The following EPHA6 variants were observed in gnomAD, a reference collection of about 807,000 sequenced individuals.
The protein encoded by EPHA6 is EPH receptor A6.
In EPHA6, 50 loss-of-function variants were observed where a neutral mutation model predicts 112.0. That is an observed-to-expected ratio of 0.45 (90% CI 0.36 to 0.56). The LOEUF is 0.56. EPHA6 is among the 20% of genes least tolerant of loss of function. EPHA6 has a pLI of 0.00. For synonymous variants in EPHA6, 529 were observed against 490.7 expected (o/e 1.08, Z -1.03); for missense variants, 1,280 against 1,417.4 (o/e 0.90, Z 1.56).
rs1401412764 is a variant in EPHA6 at position 97,758,796 on chromosome 3, T to A, written c.*10095T>A. ...AGAGCATTACAAGCAGAGGGAAAAT[T>A]TAATGAATGAAATTACAAGCAGAGG... On this transcript the variant is annotated 3_prime_UTR_variant, in exon 18 of 18. Coordinates refer to ENST00000389672, the MANE Select transcript of EPHA6 (RefSeq NM_001080448.3). 6.6e-6 allele frequency among the ~76,000 whole-genome samples: 1 copy of A among 151,690 alleles called. No individual in the cohort carries two copies. The highest frequency in any genetic ancestry group is 1.9e-4 in the East Asian group (1 of 5,166).
intron 13 of EPHA6, among the ~76,000 whole-genome samples, chr3:97,636,228 G>A (rs754448022): frequency 6.6e-6 from 1 of 151,998 alleles, no homozygotes; most frequent in African/African-American, 2.4e-5. Flanking sequence ...TTTTGAATAG[G>A]TAAAAAAGCC....
At chr3:97,450,695 C>A (rs1394099583) in intron 7 of EPHA6, among the ~76,000 whole-genome samples, 1 of 152,024 alleles carries the variant, frequency 6.6e-6, no homozygotes, top group African/African-American at 2.4e-5. Context: ...TAACTCAGTA[C>A]AATTCACTCA....
At chr3:97,371,431 C>A (rs925391327) in intron 5 of EPHA6, among the ~76,000 whole-genome samples, 1 of 152,124 alleles carries the variant, frequency 6.6e-6, no homozygotes, top group Admixed American at 6.5e-5. Context: ...AATCTCTGAA[C>A]ATAAATTGTG....
At chr3:97,110,709 A>G (rs1336124665) in intron 3 of EPHA6, among the ~76,000 whole-genome samples, 1 of 151,526 alleles carries the variant, frequency 6.6e-6, no homozygotes, top group Non-Finnish European at 1.5e-5. Context: ...ATTTTTTTTT[A>G]GTAGAGATGG....
At chr3:97,124,093 TTTCTAATCAATA>T (rs2048116197) in intron 3 of EPHA6, among the ~76,000 whole-genome samples, 1 of 152,132 alleles carries the variant, frequency 6.6e-6, no homozygotes, top group Non-Finnish European at 1.5e-5. Context: ...AATTGCTACA[TTTCTAATCAATA>T]TAATTGGAAG....
intron 5 of EPHA6, among the ~76,000 whole-genome samples, chr3:97,256,157 T>A (rs1252038837): frequency 6.6e-6 from 1 of 152,100 alleles, no homozygotes; most frequent in African/African-American, 2.4e-5. Flanking sequence ...TCTCTAAACT[T>A]TTCACAATGA....
Position 97,479,393 on chromosome 3 carries a change from A to G in EPHA6, c.2074+29A>G, listed in dbSNP as rs779045033. The stretch of plus-strand genomic sequence containing the variant: ...AGTAGCGCAGGGACTTTCTTTCATT[A>G]TTTTGTACTGTTCCAGCACTTCAGG... On this transcript the variant is annotated intron_variant, in intron 9 of 17. Transcript: ENST00000389672. 78 of 1,495,552 alleles carry G rather than the reference A, an allele frequency of 5.2e-5. 1 individual carries two copies. In the Middle Eastern group the frequency reaches 4.9e-3, roughly 94 times the overall value. The allele number at this position is 1,495,552 out of a possible 1,614,324, so 92.6% of individuals were successfully genotyped here. A position where few individuals can be genotyped will look rare whatever the true frequency, so the allele number is the denominator to read the frequency against.
intron 3 of EPHA6, among the ~76,000 whole-genome samples, chr3:97,183,765 G>T (rs1016745282): frequency 4.6e-5 from 7 of 151,978 alleles, no homozygotes; most frequent in African/African-American, 1.7e-4. Flanking sequence ...GTAAGATCTT[G>T]TCATGTCAGC....
intron 5 of EPHA6, among the ~76,000 whole-genome samples, chr3:97,310,694 A>G (rs138099134): frequency 4.0e-5 from 6 of 151,806 alleles, no homozygotes; most frequent in Admixed American, 3.3e-4. Flanking sequence ...ACAAGTGCTG[A>G]TCCTCAGATG....
At chr3:97,069,142 A>T (rs2046276108) in intron 3 of EPHA6, among the ~76,000 whole-genome samples, 1 of 152,156 alleles carries the variant, frequency 6.6e-6, no homozygotes. Flanking sequence ...AGCCTACTCG[A>T]CCAAATGCCT....
rs564399615 is a variant in EPHA6 at position 96,827,643 on chromosome 3, C to G, written c.385+12635C>G. Among the ~76,000 whole-genome samples, 6 of 152,056 alleles carry G rather than the reference C, an allele frequency of 3.9e-5. No individual in the cohort carries two copies. The East Asian group carries it at 7.7e-4, about 20-fold the overall frequency. On this transcript the variant is annotated intron_variant, in intron 1 of 17. Transcript: ENST00000389672. ...ATGAATTTAAATTCAAGACAAATGA[C>G]AAGGAAAAGGCAGGCCAATAATTAT...
chr3:97,539,095 C>T (rs1379848046), intron 11 of EPHA6, among the ~76,000 whole-genome samples: 10 of 135,544 alleles, frequency 7.4e-5, no homozygotes, highest in African/African-American at 3.2e-4. Context: ...TTCCTTCCTT[C>T]CTTCCTTCCT....
intron 10 of EPHA6, among the ~76,000 whole-genome samples, chr3:97,493,667 A>G (rs2091907313): frequency 1.4e-5 from 2 of 146,446 alleles, no homozygotes; most frequent in African/African-American, 5.5e-5. Context: ...AAAGCAAGAT[A>G]TTACCTGATG....
At chr3:97,074,657 A>G (rs1218734683) in intron 3 of EPHA6, among the ~76,000 whole-genome samples, 1 of 152,022 alleles carries the variant, frequency 6.6e-6, no homozygotes, top group African/African-American at 2.4e-5. Context: ...AATTTCATAC[A>G]TAAAAGCAAA....
chr3:97,716,549 C>T (rs1029326906), intron 14 of EPHA6, among the ~76,000 whole-genome samples: 1 of 112,230 alleles, frequency 8.9e-6, no homozygotes, highest in Non-Finnish European at 1.6e-5. Flanking sequence ...CAGTCCGGCC[C>T]GGGCGACAGA....
intron 1 of EPHA6, among the ~76,000 whole-genome samples, chr3:96,833,902 C>G (rs2044878838): frequency 6.6e-6 from 1 of 151,858 alleles, no homozygotes; most frequent in Non-Finnish European, 1.5e-5. Flanking sequence ...TAAATATATA[C>G]AAGTATTATG....
At chr3:97,266,304 C>A (rs2079680313) in intron 5 of EPHA6, among the ~76,000 whole-genome samples, 1 of 152,118 alleles carries the variant, frequency 6.6e-6, no homozygotes, top group African/African-American at 2.4e-5. Flanking sequence ...AAACAAAATT[C>A]TCCCAACTAG....
chr3:97,025,291 G>A (rs895256046), intron 3 of EPHA6, among the ~76,000 whole-genome samples: 2 of 152,060 alleles, frequency 1.3e-5, no homozygotes, highest in Admixed American at 6.5e-5. Flanking sequence ...GAGTGAGACA[G>A]GAAGAGAAAG....
intron 2 of EPHA6, among the ~76,000 whole-genome samples, chr3:96,961,870 C>T (rs1228003945): frequency 6.6e-6 from 1 of 152,048 alleles, no homozygotes; most frequent in Non-Finnish European, 1.5e-5. Context: ...ATTTTAAGTG[C>T]AGGTAGTTTA....
Sources: gnomAD v4.1 joint callset for allele counts (sites outside exome capture counted in the v4.1 genomes callset) on GRCh38, gnomAD v4.1.1 for gene constraint, MANE v1.5 for transcripts, NCBI Gene and HGNC (gene_info 2026-07-23, HGNC 2026-07-21) for gene names.